Variants in OAS3 observed in about 807,000 individuals in gnomAD.
OAS3 encodes 2'-5'-oligoadenylate synthetase 3, also known as 2'-5'-oligoadenylate synthase 3.
A neutral mutation model predicts 113.0 loss-of-function variants in OAS3; 107 were observed. That is an observed-to-expected ratio of 0.95 (90% CI 0.81 to 1.11). OAS3 has a LOEUF of 1.11. Ranked by LOEUF, OAS3 falls within the 50% of genes most tolerant of loss-of-function variation. The pLI is 0.00. For synonymous variants in OAS3, 552 were observed against 573.6 expected (o/e 0.96, Z 0.54); for missense variants, 1,258 against 1,389.1 (o/e 0.91, Z 1.50).
chr12:112,944,780 C>T, intron 3 of OAS3, 129 bp downstream of exon 3: 3 of 978,518 alleles, frequency 3.1e-6, no homozygotes, highest in Non-Finnish European at 4.7e-6. Flanking sequence ...GTTTATGTCC[C>T]TTGTGCATTA....
rs746005955 is a variant in OAS3 at position 112,948,904 on chromosome 12, A to G, written c.1073A>G (p.Gln358Arg). ...AGCSGLGHPI[Q>R]LDPNQKTPEN... Reference sequence around the variant, plus strand: ...TGCTCAGGTTTGGGCCACCCCATCCAGCTAGACCCTAACCAGAAGACCCCT... The same window carrying G: ...TGCTCAGGTTTGGGCCACCCCATCCGGCTAGACCCTAACCAGAAGACCCCT... Residue 358 changes from glutamine (Q) to arginine (R), a missense_variant, in exon 6 of 16, where the codon CAG (glutamine) becomes CGG (arginine). By Grantham distance (43) the Gln-to-Arg change is conservative. Transcript: ENST00000228928. The G allele has an allele frequency of 6.2e-7, 1 of 1,603,066 alleles. No homozygotes were observed. Among genetic ancestry groups the G allele is most frequent in the East Asian group, 2.3e-5 (1 of 44,352 alleles).
In OAS3 at chr12:112,967,454, T is replaced by C. The variant is rs763083453; in HGVS notation, c.2726T>C (p.Val909Ala). 1 of 1,613,346 alleles carries C rather than the reference T, an allele frequency of 6.2e-7. No individual in the cohort carries two copies. Among genetic ancestry groups the C allele is most frequent in the African/African-American group, 1.3e-5 (1 of 74,914 alleles). ...TCTGGCTCCAGGCCCAGCTCTCAAG[T>C]CTACGTCGACCTCATCCACAGCTAC... is the stretch of plus-strand genomic sequence containing the variant. ...LVSGSRPSSQ[V>A]YVDLIHSYSN... Residue 909 changes from valine to alanine, a missense_variant, in exon 13 of 16, where the codon GTC becomes GCC. Transcript: ENST00000228928.
intron 3 of OAS3, among the ~76,000 whole-genome samples, chr12:112,946,248 G>T (rs1160662459): frequency 1.3e-5 from 2 of 152,062 alleles, no homozygotes. Flanking sequence ...TCCCTCCCTG[G>T]TACGTGGAGA....
chr12:112,951,297 A>G (rs999684729), intron 7 of OAS3, among the ~76,000 whole-genome samples: 6 of 152,080 alleles, frequency 3.9e-5, no homozygotes, highest in African/African-American at 1.4e-4. Context: ...TTCTCATGTT[A>G]TAATTTTCTT....
chr12:112,965,571 C>T (rs188977361), intron 11 of OAS3, among the ~76,000 whole-genome samples, 173 bp from the exon 12 acceptor site: 543 of 152,328 alleles, frequency 3.6e-3, no homozygotes, highest in African/African-American at 0.012. Flanking sequence ...ACCTCTTGCA[C>T]GCTTCTTTTT....
intron 3 of OAS3, among the ~76,000 whole-genome samples, chr12:112,945,869 G>A (rs1213036782): frequency 6.6e-6 from 1 of 152,192 alleles, no homozygotes. Flanking sequence ...GCTCACGCCT[G>A]TGGTCCTCTC....
At chr12:112,949,740 C>T (rs948606387) in intron 6 of OAS3, among the ~76,000 whole-genome samples, 1 of 152,172 alleles carries the variant, frequency 6.6e-6, no homozygotes, top group Admixed American at 6.5e-5. Flanking sequence ...CAGTCTTGCC[C>T]GGGCACGGTG....
intron 1 of OAS3, 129 bp downstream of exon 1, chr12:112,938,836 C>A: frequency 1.3e-6 from 1 of 779,320 alleles, no homozygotes; most frequent in Non-Finnish European, 1.9e-6. Context: ...TTAACAAATA[C>A]TTCCAATGTG....
At position 112,972,372 on chromosome 12, in the gene OAS3, AC is replaced by A. The variant is rs910689849; in HGVS notation, c.*2400del. ...GTGTTGGCATATTGGCCCCACTGTA[AC>A]TTTTGGGGGCTTCCCGGTCTAGCCA... On this transcript the variant is annotated 3_prime_UTR_variant, in exon 16 of 16. Transcript: ENST00000228928. The A allele has an allele frequency of 3.3e-5, 5 of 152,156 alleles. No homozygotes were observed. Among genetic ancestry groups the A allele is most frequent in the African/African-American group, 9.7e-5 (4 of 41,424 alleles). The allele number at this position is 152,156 out of a possible 1,614,324, so 9.4% of individuals were successfully genotyped here.
At chr12:112,969,483 A>G in intron 14 of OAS3, 125 bp from the exon 15 acceptor site, 1 of 1,128,220 alleles carries the variant, frequency 8.9e-7, no homozygotes, top group Non-Finnish European at 1.3e-6. Flanking sequence ...GCACTGAGGA[A>G]TCTCTGAGCC....
chr12:112,951,052 C>A, intron 7 of OAS3, 77 bp downstream of exon 7: 1 of 1,421,282 alleles, frequency 7.0e-7, no homozygotes, highest in Admixed American at 2.2e-5. Flanking sequence ...CTGCCATCCT[C>A]TTTGTGATCC....
In OAS3 at chr12:112,949,082, C is replaced by G. The variant is rs1206108980; in HGVS notation, c.1251C>G (p.Asp417Glu). The change falls in exon 6 of 16, where the codon GAC becomes GAG. Residue 417 changes from aspartate (D) to glutamate (E), a missense_variant. Asp to Glu is a conservative substitution (Grantham distance 45). Coordinates refer to ENST00000228928, the MANE Select transcript of OAS3 (RefSeq NM_006187.4). ...CTCAGATCCCCACCAAGGAGCTGGACCGCTTCATCCAGGACCACCTGAAGC... is the reference window on the plus strand; with the variant it reads ...CTCAGATCCCCACCAAGGAGCTGGAGCGCTTCATCCAGGACCACCTGAAGC... The part of the protein sequence containing the change: ...DLSQIPTKEL[D>E]RFIQDHLKPS... The G allele has an allele frequency of 6.2e-7, 1 of 1,614,030 alleles. No individual in the cohort carries two copies.
intron 7 of OAS3, 125 bp downstream of exon 7, chr12:112,951,100 G>C: frequency 1.2e-5 from 11 of 881,128 alleles, no homozygotes; most frequent in Non-Finnish European, 1.7e-5. Flanking sequence ...AAACTACTTT[G>C]AGATACTGAA....
intron 7 of OAS3, among the ~76,000 whole-genome samples, chr12:112,952,200 C>T (rs1565977705): frequency 1.3e-5 from 2 of 152,134 alleles, no homozygotes; most frequent in Admixed American, 1.3e-4. Flanking sequence ...TATTTTGAGG[C>T]TATGTTATTG....
At chr12:112,939,656 A>T (rs2043661927) in intron 1 of OAS3, among the ~76,000 whole-genome samples, 1 of 152,016 alleles carries the variant, frequency 6.6e-6, no homozygotes. Context: ...GGATTTCACC[A>T]TGTTGCCCAG....
At chr12:112,967,295 TG>T in intron 12 of OAS3, 122 bp from the exon 13 acceptor site, 1 of 878,184 alleles carries the variant, frequency 1.1e-6, no homozygotes, top group South Asian at 1.8e-5. Context: ...GGCCTCCCAG[TG>T]GATCCCAGAC....
At position 112,967,975 on chromosome 12, in the gene OAS3, C is replaced by T. The variant is rs554526115; in HGVS notation, c.2905C>T (p.Gln969Ter). 5 of 1,613,906 alleles carry T rather than the reference C, an allele frequency of 3.1e-6. No homozygotes were observed. The African/African-American group carries it at 5.3e-5, about 17-fold the overall frequency. ...CAAGGGGAGAGGCTCCCTACCCCCA[C>T]AGCACGGGCTGGAACTCCTGACTGT... ...ISKGRGSLPPQHGLELLTVYA... is the reference protein window; with the variant it reads ...ISKGRGSLPP Residue 969 changes from glutamine (Q) to a stop codon, truncating the protein, a stop_gained, in exon 14 of 16, where the codon CAG becomes TAG. Transcript: ENST00000228928. LOFTEE classifies it high-confidence loss of function.
chr12:112,942,307 G>T, intron 2 of OAS3: 1 of 273,574 alleles, frequency 3.7e-6, no homozygotes, highest in Non-Finnish European at 6.9e-6. Context: ...ATAAAAATAG[G>T]CCTCTGTGTC....
At position 112,969,331 on chromosome 12, in the gene OAS3, G is replaced by A. The variant is rs147048837; in HGVS notation, c.3105-277G>A. The A allele has an allele frequency of 1.0e-5, 5 of 487,832 alleles. No individual in the cohort carries two copies. In the Admixed American group the frequency reaches 1.6e-4, roughly 16 times the overall value. The allele number at this position is 487,832 out of a possible 1,614,324, so 30.2% of individuals were successfully genotyped here. ...AGGGGAGAGTTGTGGAACCAGTGTT[G>A]TGATTGATTAACAATGCCTCCCCTG... On this transcript the variant is annotated intron_variant, in intron 14 of 15. Transcript: ENST00000228928.
Sources: gnomAD v4.1 joint callset for allele counts (sites outside exome capture counted in the v4.1 genomes callset) on GRCh38, gnomAD v4.1.1 for gene constraint, MANE v1.5 for transcripts, NCBI Gene and HGNC (gene_info 2026-07-23, HGNC 2026-07-21) for gene names.